IGF1R: variants seen among roughly 807,000 people sequenced by gnomAD.
The protein encoded by IGF1R is insulin-like growth factor 1 receptor.
IGF1R carries 44 observed loss-of-function variants against 144.6 expected under a neutral mutation model. That is an observed-to-expected ratio of 0.30 (90% CI 0.24 to 0.39). IGF1R has a LOEUF of 0.39. IGF1R is among the 10% of genes least tolerant of loss of function. The pLI, the probability that IGF1R is intolerant of heterozygous loss-of-function variation, is 1.00. For missense variants in IGF1R, 1,355 were observed against 1,833.7 expected (o/e 0.74, Z 4.77); for synonymous variants, 795 against 722.8 (o/e 1.10, Z -1.60).
chr15:98,699,799 A>G lies in IGF1R; in HGVS notation c.95-7763A>G, dbSNP rs45514494. ...GTGTGCATTTATTTTGTTGATATGC[A>G]TGATGTGTGGGTGGCTCTGCGGCAG... On this transcript the variant is annotated intron_variant, in intron 1 of 20. Transcript: ENST00000650285. Among the ~76,000 whole-genome samples, 341 of 152,312 alleles carry G rather than the reference A, an allele frequency of 2.2e-3. 5 individuals are homozygous for G. Among genetic ancestry groups the G allele is most frequent in the African/African-American group, 7.9e-3 (329 of 41,562 alleles).
chr15:98,762,453 C>T (rs1253306055), intron 2 of IGF1R, among the ~76,000 whole-genome samples: 1 of 152,178 alleles, frequency 6.6e-6, no homozygotes, highest in Non-Finnish European at 1.5e-5. Flanking sequence ...TCCGGCCAGG[C>T]ATAGTAGCTC....
Position 98,707,755 on chromosome 15 carries a change from C to T in IGF1R, c.288C>T (p.Leu96=), listed in dbSNP as rs376943781. The T allele has an allele frequency of 1.1e-5, 18 of 1,614,052 alleles. No homozygotes were observed. The highest frequency in any genetic ancestry group is 4.5e-5 in the East Asian group (2 of 44,886). The change falls in exon 2 of 21, where the codon CTC becomes CTT. Residue 96 remains leucine, a synonymous_variant. Coordinates refer to ENST00000650285, the MANE Select transcript of IGF1R (RefSeq NM_000875.5). The surrounding 1 kb of genome is among the most constrained non-coding windows in gnomAD (Gnocchi z 6.7). ...LLFRVAGLES[L]GDLFPNLTVI... ...TCCGAGTGGCTGGCCTCGAGAGCCT[C>T]GGAGACCTCTTCCCCAACCTCACGG... is the stretch of plus-strand genomic sequence containing the variant.
intron 18 of IGF1R, among the ~76,000 whole-genome samples, chr15:98,940,631 C>T (rs2016329701): frequency 6.6e-6 from 1 of 152,204 alleles, no homozygotes; most frequent in African/African-American, 2.4e-5. Context: ...TCTTGAACTC[C>T]TGACCTCAGG....
intron 2 of IGF1R, among the ~76,000 whole-genome samples, chr15:98,728,981 T>C (rs756081545): frequency 7.9e-5 from 12 of 152,212 alleles, no homozygotes; most frequent in Admixed American, 2.0e-4. Flanking sequence ...CTAAGGTCGT[T>C]GTGAGAGGTA....
chr15:98,915,821 C>T (rs2015219279), intron 8 of IGF1R, 143 bp from the exon 9 acceptor site: 1 of 795,532 alleles, frequency 1.3e-6, no homozygotes, highest in East Asian at 2.4e-5. Flanking sequence ...ATAAGGTTCA[C>T]TTTTCACTTT....
chr15:98,821,179 C>T (rs571685083), intron 2 of IGF1R, among the ~76,000 whole-genome samples: 1 of 152,262 alleles, frequency 6.6e-6, no homozygotes, highest in African/African-American at 2.4e-5. Flanking sequence ...GTGTAAACAA[C>T]TTCTGGTGTG....
intron 2 of IGF1R, among the ~76,000 whole-genome samples, chr15:98,835,076 C>G (rs528694284): frequency 1.4e-4 from 11 of 78,282 alleles, no homozygotes; most frequent in African/African-American, 4.5e-4. Context: ...GAGAACACCC[C>G]CCCTACACAC....
chr15:98,783,291 G>T (rs368073428), intron 2 of IGF1R, among the ~76,000 whole-genome samples: 1 of 152,118 alleles, frequency 6.6e-6, no homozygotes, highest in East Asian at 1.9e-4. Flanking sequence ...CACCACAAAG[G>T]TACACCTACT....
At chr15:98,919,098 A>G (rs565964261) in intron 10 of IGF1R, among the ~76,000 whole-genome samples, 9 of 152,320 alleles carry the variant, frequency 5.9e-5, no homozygotes, top group South Asian at 2.1e-4. Flanking sequence ...AAAGATTGCA[A>G]AGAGGTTTGG....
intron 2 of IGF1R, among the ~76,000 whole-genome samples, chr15:98,778,362 C>G (rs1328714879): frequency 6.6e-6 from 1 of 152,178 alleles, no homozygotes; most frequent in Non-Finnish European, 1.5e-5. Context: ...TCTCACAATC[C>G]TTGACACTAA....
chr15:98,691,140 T>A (rs983280336), intron 1 of IGF1R, among the ~76,000 whole-genome samples: 1 of 152,062 alleles, frequency 6.6e-6, no homozygotes, highest in East Asian at 1.9e-4. Context: ...AACTCAAGAC[T>A]TTTTTTGGAT....
At chr15:98,766,764 G>A (rs1238311565) in intron 2 of IGF1R, among the ~76,000 whole-genome samples, 1 of 152,198 alleles carries the variant, frequency 6.6e-6, no homozygotes, top group Admixed American at 6.5e-5. Context: ...AGCAGAAACA[G>A]CACCACCTTC....
intron 2 of IGF1R, among the ~76,000 whole-genome samples, chr15:98,803,736 C>T (rs2056412503): frequency 6.6e-6 from 1 of 152,152 alleles, no homozygotes; most frequent in South Asian, 2.1e-4. Flanking sequence ...AAACTCCTGA[C>T]CTTAAGTGAT....
intron 18 of IGF1R, among the ~76,000 whole-genome samples, chr15:98,941,179 AG>A (rs1185641448): frequency 6.6e-6 from 1 of 152,200 alleles, no homozygotes; most frequent in Admixed American, 6.5e-5. Flanking sequence ...CCTCGGAAAT[AG>A]GGTGATAATG....
chr15:98,659,092 T>C (rs368442466), intron 1 of IGF1R, among the ~76,000 whole-genome samples: 10 of 152,342 alleles, frequency 6.6e-5, no homozygotes, highest in African/African-American at 2.4e-4. Flanking sequence ...TGGATAGAAA[T>C]ATAAGGCTTA....
intron 2 of IGF1R, among the ~76,000 whole-genome samples, chr15:98,881,374 G>T (rs4966033): frequency 0.25 from 37,408 of 152,008 alleles, 4,919 homozygotes; most frequent in East Asian, 0.4. Context: ...AGGCTGGAGC[G>T]CAGTGGCGCG....
chr15:98,655,283 C>CA (rs1404802530), intron 1 of IGF1R, among the ~76,000 whole-genome samples: 5 of 152,146 alleles, frequency 3.3e-5, no homozygotes, highest in Non-Finnish European at 7.3e-5. Flanking sequence ...TTATTTGACT[C>CA]AAAGTATTAA....
rs139280569 is a variant in IGF1R, at chr15:98,765,308, C to CTTTTTTTTTT, written c.640+57220_640+57229dup. 9.2e-4 allele frequency among the ~76,000 whole-genome samples: 57 copies of CTTTTTTTTTT among 61,800 alleles called. 1 individual carries two copies. The highest frequency in any genetic ancestry group is 3.7e-3 in the African/African-American group (55 of 14,992). 40.5% of individuals were successfully genotyped at this position (61,800 alleles called of 152,430 possible). On this transcript the variant is annotated intron_variant, in intron 2 of 20. Coordinates refer to ENST00000650285, the MANE Select transcript of IGF1R (RefSeq NM_000875.5). ...TCTCACCCAATGATCATGCCAACAC[C>CTTTTTTTTTT]TTTTTTTTTTTTTTTTTTTTTTTTT... is the stretch of plus-strand genomic sequence containing the variant.
intron 2 of IGF1R, among the ~76,000 whole-genome samples, chr15:98,868,736 T>C (rs1380626374): frequency 6.6e-6 from 1 of 152,116 alleles, no homozygotes; most frequent in Admixed American, 6.5e-5. Context: ...CCCTCCCTCT[T>C]TGGCTTGTTG....
Sources: gnomAD v4.1 joint callset for allele counts (sites outside exome capture counted in the v4.1 genomes callset) on GRCh38, gnomAD v4.1.1 for gene constraint, Gnocchi (gnomAD v3.1) non-coding constraint, MANE v1.5 for transcripts, NCBI Gene and HGNC (gene_info 2026-07-23, HGNC 2026-07-21) for gene names.